Variants in OSBPL8 observed in about 807,000 individuals in gnomAD.
The protein encoded by OSBPL8 is oxysterol-binding protein-related protein 8.
OSBPL8 carries 59 observed loss-of-function variants against 125.5 expected under a neutral mutation model. The ratio of observed to expected loss-of-function variants is 0.47; its 90% CI spans 0.38 to 0.58. The LOEUF is 0.58. Ranked by LOEUF, OSBPL8 falls within the 20% of genes least tolerant of loss-of-function variation. OSBPL8 has a pLI of 0.00. For synonymous variants in OSBPL8, 330 were observed against 338.9 expected, an observed-to-expected ratio of 0.97 and a Z score of 0.29; for missense variants, 758 against 1,047.8, an observed-to-expected ratio of 0.72 and a Z score of 3.82.
At position 76,371,517 on chromosome 12, in the gene OSBPL8, T is replaced by C; in HGVS notation, c.1985A>G (p.Asp662Gly). 1.2e-6 allele frequency: 2 copies of C among 1,611,576 alleles called. No individual in the cohort carries two copies. The highest frequency in any genetic ancestry group is 1.7e-6 in the Non-Finnish European group (2 of 1,178,760). The change falls in exon 19 of 24, where the codon GAC (aspartate) becomes GGC (glycine). Residue 662 changes from aspartate to glycine, a missense_variant. Asp to Gly is a moderately conservative substitution (Grantham distance 94). Transcript: ENST00000261183. Reference protein sequence around the residue: ...NSEVFWNPTPDIKQWRLIRHT... With the variant: ...NSEVFWNPTPGIKQWRLIRHT... ...CCTTATTAATCTCCATTGCTTAATG[T>C]CAGGTGTTGGATTCCAGAAAACCTC...
At chr12:76,530,710 C>G (rs769068295) in intron 1 of OSBPL8, among the ~76,000 whole-genome samples, 1 of 152,098 alleles carries the variant, frequency 6.6e-6, no homozygotes, top group Non-Finnish European at 1.5e-5. Flanking sequence ...CAGGAGGTGC[C>G]TATCACAGTA....
At chr12:76,455,943 T>G (rs1873982157) in intron 3 of OSBPL8, among the ~76,000 whole-genome samples, 1 of 152,248 alleles carries the variant, frequency 6.6e-6, no homozygotes, top group Non-Finnish European at 1.5e-5. Flanking sequence ...TGCCCTCTGC[T>G]GTTTCTACTT....
intron 1 of OSBPL8, among the ~76,000 whole-genome samples, chr12:76,536,816 C>CAAAAAAAAAAAAAAAA (rs36035843): frequency 4.4e-5 from 4 of 91,098 alleles, no homozygotes; most frequent in Non-Finnish European, 6.7e-5. Flanking sequence ...ATAGGAGTAT[C>CAAAAAAAAAAAAAAAA]AAAAAAAAAA....
At chr12:76,448,534 C>T (rs1460472260) in intron 4 of OSBPL8, among the ~76,000 whole-genome samples, 1 of 152,106 alleles carries the variant, frequency 6.6e-6, no homozygotes, top group Non-Finnish European at 1.5e-5. Context: ...TATCATATAT[C>T]GTTTTTCAGG....
intron 21 of OSBPL8, among the ~76,000 whole-genome samples, chr12:76,364,285 T>G (rs927284335): frequency 1.3e-5 from 2 of 152,116 alleles, no homozygotes; most frequent in Non-Finnish European, 2.9e-5. Flanking sequence ...ATAAAGAAAA[T>G]CTGGCATATA....
chr12:76,558,608 A>C (rs1951180854), intron 1 of OSBPL8, among the ~76,000 whole-genome samples: 2 of 152,230 alleles, frequency 1.3e-5, no homozygotes, highest in Non-Finnish European at 2.9e-5. Context: ...TACGTTGTCC[A>C]AGTTACCTAT....
At chr12:76,433,238 A>G (rs1250446493) in intron 4 of OSBPL8, among the ~76,000 whole-genome samples, 1 of 152,188 alleles carries the variant, frequency 6.6e-6, no homozygotes, top group Non-Finnish European at 1.5e-5. Context: ...AAGAATTAGA[A>G]AGAAAAAGAA....
At chr12:76,378,896 A>C (rs1453709189) in intron 15 of OSBPL8, among the ~76,000 whole-genome samples, 7 of 151,954 alleles carry the variant, frequency 4.6e-5, no homozygotes, top group Admixed American at 2.0e-4. Flanking sequence ...CAGCCTCCTG[A>C]GTGGCTGGGA....
intron 1 of OSBPL8, among the ~76,000 whole-genome samples, chr12:76,489,724 G>T (rs563569075): frequency 6.6e-6 from 1 of 152,266 alleles, no homozygotes; most frequent in Non-Finnish European, 1.5e-5. Context: ...CATCTCTAAC[G>T]CAACATCTAT....
At chr12:76,527,134 T>C (rs1950201962) in intron 1 of OSBPL8, among the ~76,000 whole-genome samples, 1 of 151,766 alleles carries the variant, frequency 6.6e-6, no homozygotes, top group Middle Eastern at 3.4e-3. Context: ...TATATATTGC[T>C]GACATAATCA....
intron 1 of OSBPL8, among the ~76,000 whole-genome samples, chr12:76,501,155 G>A (rs1879863053): frequency 6.6e-6 from 1 of 151,698 alleles, no homozygotes; most frequent in Non-Finnish European, 1.5e-5. Context: ...AATACCTTTG[G>A]GTGCTTTATT....
intron 9 of OSBPL8, among the ~76,000 whole-genome samples, chr12:76,393,986 C>T (rs909314030): frequency 3.9e-5 from 6 of 152,102 alleles, no homozygotes; most frequent in Non-Finnish European, 8.8e-5. Flanking sequence ...TGCCACTGCA[C>T]TCCAGGCTGG....
At chr12:76,358,606 A>T in intron 22 of OSBPL8, 100 bp downstream of exon 22, 1 of 1,062,972 alleles carries the variant, frequency 9.4e-7, no homozygotes, top group South Asian at 1.4e-5. Context: ...CCCCGACCAA[A>T]ACTCACATAA....
At chr12:76,386,531 G>A in intron 13 of OSBPL8, 48 bp downstream of exon 13, 1 of 1,481,366 alleles carries the variant, frequency 6.8e-7, no homozygotes, top group Non-Finnish European at 9.2e-7. Flanking sequence ...AAAATATAAA[G>A]AATTCATAAA....
At chr12:76,476,597 G>A (rs1248854112) in intron 2 of OSBPL8, among the ~76,000 whole-genome samples, 1 of 151,894 alleles carries the variant, frequency 6.6e-6, no homozygotes, top group African/African-American at 2.4e-5. Flanking sequence ...AAGTCATCAG[G>A]AAGAAAAAAG....
chr12:76,388,431 G>C (rs903731883), intron 12 of OSBPL8, among the ~76,000 whole-genome samples: 4 of 152,128 alleles, frequency 2.6e-5, no homozygotes, highest in African/African-American at 9.7e-5. Flanking sequence ...TGCCAGAAAA[G>C]TACAATCTTT....
intron 1 of OSBPL8, among the ~76,000 whole-genome samples, chr12:76,498,069 T>C (rs1325404126): frequency 6.6e-6 from 1 of 152,244 alleles, no homozygotes; most frequent in East Asian, 1.9e-4. Context: ...TGTTAGTCAA[T>C]GAATGGCATA....
chr12:76,501,271 C>G (rs1879875145), intron 1 of OSBPL8, among the ~76,000 whole-genome samples: 1 of 152,128 alleles, frequency 6.6e-6, no homozygotes, highest in Admixed American at 6.5e-5. Flanking sequence ...ACAATTTTCA[C>G]TTAAATGAAT....
rs978861744 is a variant in OSBPL8, at chr12:76,353,984, T to C, written c.*1905A>G. Reference sequence around the variant, plus strand: ...AAAGTCCTAAGAGGTGGGTCACCAGTACAAAATGTTAACAAGGTTTACTGA... The same window carrying C: ...AAAGTCCTAAGAGGTGGGTCACCAGCACAAAATGTTAACAAGGTTTACTGA... On this transcript the variant is annotated 3_prime_UTR_variant, in exon 24 of 24. Coordinates refer to ENST00000261183, the MANE Select transcript of OSBPL8 (RefSeq NM_020841.5). The C allele has an allele frequency of 6.6e-6, 1 of 152,366 alleles. No individual in the cohort carries two copies. The highest frequency in any genetic ancestry group is 1.5e-5 in the Non-Finnish European group (1 of 67,826). The allele number at this position is 152,366 out of a possible 1,614,324, so 9.4% of individuals were successfully genotyped here. A position where few individuals can be genotyped will look rare whatever the true frequency, so the allele number is the denominator to read the frequency against.
Sources: gnomAD v4.1 joint callset for allele counts (sites outside exome capture counted in the v4.1 genomes callset) on GRCh38, gnomAD v4.1.1 for gene constraint, MANE v1.5 for transcripts, NCBI Gene and HGNC (gene_info 2026-07-23, HGNC 2026-07-21) for gene names.